Variants in TBCK observed in about 807,000 individuals in gnomAD.
TBCK encodes TBC domain-containing protein kinase-like protein.
Under a neutral mutation model 113.4 loss-of-function variants are expected in TBCK, and 99 were observed. The observed-to-expected ratio is 0.87, with a 90% CI of 0.74 to 1.03. The LOEUF (loss-of-function observed/expected upper bound fraction) is 1.03, where lower values mean the gene tolerates loss of function less well. TBCK is among the 50% of genes least tolerant of loss of function. The pLI is 0.00. For synonymous variants in TBCK, 369 were observed against 370.8 expected (o/e 1.00, Z 0.05); for missense variants, 1,045 against 1,061.3 (o/e 0.98, Z 0.21).
chr4:106,200,965 A>C (rs1400437073), intron 20 of TBCK, among the ~76,000 whole-genome samples: 2 of 152,044 alleles, frequency 1.3e-5, no homozygotes, highest in African/African-American at 4.8e-5. Context: ...TTGGGGAAAA[A>C]TCCTTCATAT....
At chr4:106,059,559 A>C (rs1452120787) in intron 25 of TBCK, among the ~76,000 whole-genome samples, 1 of 151,674 alleles carries the variant, frequency 6.6e-6, no homozygotes, top group Non-Finnish European at 1.5e-5. Flanking sequence ...TAGTGAATAA[A>C]TGTGTTTTGA....
intron 3 of TBCK, among the ~76,000 whole-genome samples, chr4:106,276,327 A>G (rs973136842): frequency 6.6e-6 from 1 of 152,240 alleles, no homozygotes; most frequent in Non-Finnish European, 1.5e-5. Flanking sequence ...GAATATCTTC[A>G]TGACTTCGGA....
At chr4:106,311,681 G>T (rs1310066432) in intron 1 of TBCK, among the ~76,000 whole-genome samples, 2 of 151,974 alleles carry the variant, frequency 1.3e-5, no homozygotes, top group Non-Finnish European at 2.9e-5. Flanking sequence ...GAATTAATGG[G>T]TGTTCATGTT....
chr4:106,047,136 G>A (rs899028614), intron 25 of TBCK, among the ~76,000 whole-genome samples: 1 of 151,976 alleles, frequency 6.6e-6, no homozygotes, highest in Non-Finnish European at 1.5e-5. Flanking sequence ...CCCACAGAGA[G>A]CCCATAAACC....
At chr4:106,086,352 G>A (rs1455805366) in intron 25 of TBCK, among the ~76,000 whole-genome samples, 1 of 152,124 alleles carries the variant, frequency 6.6e-6, no homozygotes, top group Non-Finnish European at 1.5e-5. Flanking sequence ...TACATTCTGG[G>A]ATGCATACAC....
At chr4:106,224,486 T>C (rs1299304022) in intron 19 of TBCK, among the ~76,000 whole-genome samples, 2 of 152,148 alleles carry the variant, frequency 1.3e-5, no homozygotes, top group Non-Finnish European at 2.9e-5. Context: ...AAAGTGTACA[T>C]GTGATATTTA....
At chr4:106,076,425 TAAA>T (rs1370484236) in intron 25 of TBCK, among the ~76,000 whole-genome samples, 1 of 152,162 alleles carries the variant, frequency 6.6e-6, no homozygotes, top group Non-Finnish European at 1.5e-5. Context: ...GTGGTAGCAG[TAAA>T]AAATAATAAT....
chr4:106,106,301 C>T (rs1742144293), intron 24 of TBCK, among the ~76,000 whole-genome samples: 1 of 152,072 alleles, frequency 6.6e-6, no homozygotes, highest in Non-Finnish European at 1.5e-5. Flanking sequence ...AGAACTCCTG[C>T]AAGATTCTAC....
intron 24 of TBCK, among the ~76,000 whole-genome samples, chr4:106,106,317 A>T (rs1742147503): frequency 6.6e-6 from 1 of 152,310 alleles, no homozygotes; most frequent in African/African-American, 2.4e-5. Context: ...TCTACGCAAG[A>T]TCATACATGA....
Position 106,043,186 on chromosome 4 carries a change from T to G in TBCK, c.*3384A>C, listed in dbSNP as rs1270841648. On this transcript the variant is annotated 3_prime_UTR_variant, in exon 26 of 26. Transcript: ENST00000394708. ...GGTTAAGCATTAGTTATTTTTAATA[T>G]GCTTTTTGAATCTAACATTTCTGTA... is the stretch of plus-strand genomic sequence containing the variant. 6.6e-6 allele frequency: 1 copy of G among 152,192 alleles called. No individual in the cohort carries two copies. The highest frequency in any genetic ancestry group is 6.5e-5 in the Admixed American group (1 of 15,280). The allele number at this position is 152,192 out of a possible 1,614,324, so 9.4% of individuals were successfully genotyped here.
chr4:106,182,458 G>A (rs1038429435), intron 22 of TBCK: 1 of 152,078 alleles, frequency 6.6e-6, no homozygotes, highest in Non-Finnish European at 1.5e-5. Context: ...GTTTTCAAAG[G>A]GAATCCTTCC....
At chr4:106,260,198 A>C (rs769652158) in intron 5 of TBCK, among the ~76,000 whole-genome samples, 12 of 151,916 alleles carry the variant, frequency 7.9e-5, no homozygotes, top group Non-Finnish European at 1.6e-4. Flanking sequence ...TATAATGTAA[A>C]GAATGTCAAT....
At chr4:106,151,906 A>G (rs981820399) in intron 23 of TBCK, among the ~76,000 whole-genome samples, 1 of 152,010 alleles carries the variant, frequency 6.6e-6, no homozygotes, top group Non-Finnish European at 1.5e-5. Context: ...AGCATATAAA[A>G]ATGCTTCTGA....
intron 12 of TBCK, 46 bp from the exon 13 acceptor site, chr4:106,236,854 G>A: frequency 8.9e-7 from 1 of 1,120,500 alleles, no homozygotes; most frequent in Non-Finnish European, 1.2e-6. Flanking sequence ...ATATTGGGCA[G>A]AAACCCTGAT....
chr4:106,168,304 T>C (rs562801398), intron 23 of TBCK, among the ~76,000 whole-genome samples: 2 of 151,940 alleles, frequency 1.3e-5, no homozygotes, highest in Non-Finnish European at 2.9e-5. Flanking sequence ...GCATTCATGA[T>C]AAAAAATCTC....
chr4:106,092,274 C>T (rs1250183209), intron 25 of TBCK, among the ~76,000 whole-genome samples: 1 of 152,248 alleles, frequency 6.6e-6, no homozygotes, highest in Non-Finnish European at 1.5e-5. Flanking sequence ...TATTTACAAT[C>T]CCTTAGCTAG....
chr4:106,239,510 G>A (rs1759849057), intron 12 of TBCK, among the ~76,000 whole-genome samples: 2 of 151,956 alleles, frequency 1.3e-5, no homozygotes, highest in African/African-American at 4.8e-5. Context: ...GAATACAAGG[G>A]ATAGGTGTGG....
At chr4:106,224,348 T>C (rs1484199926) in intron 19 of TBCK, among the ~76,000 whole-genome samples, 1 of 151,918 alleles carries the variant, frequency 6.6e-6, no homozygotes, top group Non-Finnish European at 1.5e-5. Context: ...CAAGTTGCTA[T>C]TGAACATAGA....
At chr4:106,230,184 C>G (rs1758701412) in intron 19 of TBCK, among the ~76,000 whole-genome samples, 179 bp downstream of exon 19, 1 of 151,780 alleles carries the variant, frequency 6.6e-6, no homozygotes, top group Non-Finnish European at 1.5e-5. Flanking sequence ...AGAAAAATAC[C>G]ATAATTCTTT....
Sources: allele counts gnomAD v4.1 joint callset (sites outside exome capture counted in the v4.1 genomes callset), GRCh38; gene constraint gnomAD v4.1.1; transcripts MANE v1.5; gene names NCBI Gene and HGNC (gene_info 2026-07-23, HGNC 2026-07-21).